The following PDE3A variants were observed in gnomAD, a reference collection of about 807,000 sequenced individuals.
PDE3A encodes phosphodiesterase 3A.
Under a neutral mutation model 98.3 loss-of-function variants are expected in PDE3A, and 43 were observed. That is an observed-to-expected ratio of 0.44 (90% CI 0.34 to 0.56). The LOEUF (loss-of-function observed/expected upper bound fraction) is 0.56. PDE3A is among the 20% of genes least tolerant of loss of function. PDE3A has a pLI of 0.01. For missense variants in PDE3A, 1,427 were observed against 1,440.7 expected (o/e 0.99, Z 0.15); for synonymous variants, 663 against 567.9 (o/e 1.17, Z -2.38).
chr12:20,516,481 A>G (rs1267825060), intron 1 of PDE3A, among the ~76,000 whole-genome samples: 3 of 152,236 alleles, frequency 2.0e-5, no homozygotes, highest in Non-Finnish European at 4.4e-5. Flanking sequence ...TGATCAACAT[A>G]GTCATTACCT....
In PDE3A at chr12:20,552,813, G is replaced by C. The variant is rs7295235; in HGVS notation, c.961-3847G>C. 0.6 allele frequency: 974,614 copies of C among 1,613,362 alleles called. 295,337 individuals are homozygous for C. Among genetic ancestry groups the C allele is most frequent in the East Asian group, 0.75 (33,519 of 44,824 alleles). On this transcript the variant is annotated intron_variant, in intron 1 of 15. Transcript: ENST00000359062. The surrounding 1 kb of genome is among the most constrained non-coding windows in gnomAD (Gnocchi z 5.1). ...AGACGTTCCAGTGTATCTGCTGTCA[G>C]GAGCTGGTGTTCCGGCCCATCACGA...
rs1942911962 is a variant in PDE3A at position 20,575,652 on chromosome 12, CT to C, written c.1011+18945del. ...AAGATTGTTTGGGATCATCTACAGA[CT>C]TTCATCCAAGTGAAAAAGAGTTCTA... is the stretch of plus-strand genomic sequence containing the variant. On this transcript the variant is annotated intron_variant, in intron 2 of 15. Transcript: ENST00000359062. 4.6e-5 allele frequency among the ~76,000 whole-genome samples: 7 copies of C among 152,110 alleles called. No individual in the cohort carries two copies. In the South Asian group the frequency reaches 1.5e-3, roughly 32 times the overall value.
rs75303084 is a variant in PDE3A at position 20,646,220 on chromosome 12, C to T, written c.2252-270C>T. 5.7e-3 allele frequency among the ~76,000 whole-genome samples: 871 copies of T among 152,240 alleles called. 10 individuals carry two copies. Among genetic ancestry groups the T allele is most frequent in the African/African-American group, 0.02 (833 of 41,550 alleles). On this transcript the variant is annotated intron_variant, in intron 10 of 15. Transcript: ENST00000359062. Reference sequence around the variant, plus strand: ...TTTCACACAGTATGTTTCCTATATACATAGTTTGTAGTCGACTGTTGACAC... The same window carrying T: ...TTTCACACAGTATGTTTCCTATATATATAGTTTGTAGTCGACTGTTGACAC...
chr12:20,373,092 G>C (rs573751338), intron 1 of PDE3A, among the ~76,000 whole-genome samples: 1 of 152,144 alleles, frequency 6.6e-6, no homozygotes, highest in Non-Finnish European at 1.5e-5. Flanking sequence ...GTCTGTGAAT[G>C]CAAGTGGAAA....
intron 1 of PDE3A, among the ~76,000 whole-genome samples, chr12:20,511,451 C>T (rs1426070489): frequency 6.7e-6 from 1 of 149,736 alleles, no homozygotes; most frequent in Admixed American, 6.8e-5. Context: ...CACACATACA[C>T]ACACACGATG....
rs369657602 is a variant in PDE3A at position 20,542,346 on chromosome 12, A to G, written c.961-14314A>G. On this transcript the variant is annotated intron_variant, in intron 1 of 15. Coordinates refer to ENST00000359062, the MANE Select transcript of PDE3A (RefSeq NM_000921.5). ...TGAGATATATTTTTTAAAATTACCT[A>G]TTTATCAATTTTAAAGACCATTTCT... 6.8e-4 allele frequency among the ~76,000 whole-genome samples: 103 copies of G among 152,122 alleles called. 1 individual carries two copies. Among genetic ancestry groups the G allele is most frequent in the African/African-American group, 2.4e-3 (101 of 41,522 alleles).
intron 1 of PDE3A, among the ~76,000 whole-genome samples, chr12:20,437,565 A>G (rs1213597912): frequency 1.3e-5 from 2 of 152,166 alleles, no homozygotes; most frequent in African/African-American, 2.4e-5. Context: ...GGGAAGCAGG[A>G]GCAGGTGTGT....
chr12:20,512,299 G>T (rs1455578977), intron 1 of PDE3A, among the ~76,000 whole-genome samples: 2 of 152,022 alleles, frequency 1.3e-5, no homozygotes, highest in South Asian at 2.1e-4. Flanking sequence ...ATCTTCAAAA[G>T]TCTTCTGTAA....
In PDE3A at chr12:20,532,543, T is replaced by C. The variant is rs551892722; in HGVS notation, c.961-24117T>C. Among the ~76,000 whole-genome samples, 10 of 148,180 alleles carry C rather than the reference T, an allele frequency of 6.7e-5. No individual in the cohort carries two copies. In the East Asian group the frequency reaches 1.9e-3, roughly 29 times the overall value. On this transcript the variant is annotated intron_variant, in intron 1 of 15. Coordinates refer to ENST00000359062, the MANE Select transcript of PDE3A (RefSeq NM_000921.5). ...GAGAGATTCTCTGGTTTCTTACAAA[T>C]ACAGATTGGCAACACCGATGTGGTT... is the stretch of plus-strand genomic sequence containing the variant.
intron 15 of PDE3A, among the ~76,000 whole-genome samples, chr12:20,674,288 C>T (rs765166587): frequency 6.6e-6 from 1 of 151,970 alleles, no homozygotes; most frequent in Non-Finnish European, 1.5e-5. Flanking sequence ...TCCTCTTTTC[C>T]AGTTTGGATG....
At chr12:20,450,022 TTA>T (rs1945036614) in intron 1 of PDE3A, 2 of 669,860 alleles carry the variant, frequency 3.0e-6, no homozygotes, top group Non-Finnish European at 5.5e-6. Context: ...TACCTGGAAG[TTA>T]CGGAAGTTTT....
intron 1 of PDE3A, among the ~76,000 whole-genome samples, chr12:20,384,688 C>T (rs112341451): frequency 9.2e-5 from 14 of 151,930 alleles, no homozygotes; most frequent in African/African-American, 1.2e-4. Flanking sequence ...TTCACCCTGT[C>T]GCCCCACCCG....
intron 2 of PDE3A, among the ~76,000 whole-genome samples, chr12:20,577,440 C>T (rs992160570): frequency 1.1e-4 from 17 of 152,150 alleles, no homozygotes; most frequent in Admixed American, 2.0e-4. Context: ...ACATTTAATG[C>T]CCCTCTCCTC....
intron 1 of PDE3A, among the ~76,000 whole-genome samples, chr12:20,379,333 G>A (rs1375920332): frequency 6.6e-6 from 1 of 151,726 alleles, no homozygotes; most frequent in Non-Finnish European, 1.5e-5. Context: ...GTTTGTCCTC[G>A]TGATATGAAA....
At chr12:20,491,690 T>C (rs1038308157) in intron 1 of PDE3A, among the ~76,000 whole-genome samples, 2 of 152,144 alleles carry the variant, frequency 1.3e-5, no homozygotes, top group Admixed American at 1.3e-4. Flanking sequence ...ACACATTGTC[T>C]AGACCTCTGT....
chr12:20,665,342 A>AT (rs536895684), intron 15 of PDE3A, among the ~76,000 whole-genome samples: 118 of 152,164 alleles, frequency 7.8e-4, no homozygotes, highest in African/African-American at 2.5e-3. Flanking sequence ...TTTGAAATAT[A>AT]TTTTTTTCTG....
intron 1 of PDE3A, among the ~76,000 whole-genome samples, chr12:20,453,785 C>G (rs1033145088): frequency 6.6e-6 from 1 of 152,070 alleles, no homozygotes; most frequent in Non-Finnish European, 1.5e-5. Context: ...ATCTCAGATT[C>G]GATCTATCTG....
intron 15 of PDE3A, among the ~76,000 whole-genome samples, chr12:20,668,774 C>A: frequency 6.6e-6 from 1 of 150,934 alleles, no homozygotes. Context: ...AAACTGGAAA[C>A]TCTAAAAAGC....
chr12:20,469,132 AC>A (rs1422013497), intron 1 of PDE3A, among the ~76,000 whole-genome samples: 21 of 152,296 alleles, frequency 1.4e-4, no homozygotes, highest in African/African-American at 5.1e-4. Context: ...TCACATGATT[AC>A]CATTATTATT....
Sources: allele counts gnomAD v4.1 joint callset (sites outside exome capture counted in the v4.1 genomes callset), GRCh38; gene constraint gnomAD v4.1.1; non-coding constraint Gnocchi (gnomAD v3.1); transcripts MANE v1.5; gene names NCBI Gene and HGNC (gene_info 2026-07-23, HGNC 2026-07-21).